Variants in DUSP26 observed in about 807,000 individuals in gnomAD.
DUSP26 encodes dual specificity phosphatase 26.
Under a neutral mutation model 20.0 loss-of-function variants are expected in DUSP26, and 12 were observed. The ratio of observed to expected loss-of-function variants is 0.60; its 90% CI spans 0.38 to 0.97. DUSP26 has a LOEUF of 0.97. Ranked by LOEUF, DUSP26 falls within the 50% of genes least tolerant of loss-of-function variation. The probability of loss-of-function intolerance (pLI) is 0.00; values close to 1 mark genes in which losing one functional copy is unlikely to be tolerated. For synonymous variants in DUSP26, 120 were observed against 118.8 expected (o/e 1.01, Z -0.06); for missense variants, 230 against 294.0 (o/e 0.78, Z 1.59).
At chr8:33,597,908 C>CAT (rs1329093053) in intron 1 of DUSP26, 1 of 189,512 alleles carries the variant, frequency 5.3e-6, no homozygotes, top group African/African-American at 2.4e-5. Context: ...CACACACACA[C>CAT]ACGGCACTTG....
chr8:33,596,554 C>G (rs566688575), intron 2 of DUSP26, among the ~76,000 whole-genome samples: 10 of 152,174 alleles, frequency 6.6e-5, no homozygotes, highest in African/African-American at 9.7e-5. Flanking sequence ...TGCACTCCAG[C>G]CTGGGTGACA....
chr8:33,597,729 T>C, intron 1 of DUSP26, 138 bp from the exon 2 acceptor site: 1 of 493,958 alleles, frequency 2.0e-6, no homozygotes, highest in South Asian at 3.2e-5. Context: ...CAGGGGTGGC[T>C]TTTTCTTCAA....
rs544576159 is a variant in DUSP26 at position 33,595,850 on chromosome 8, G to A, written c.221+1445C>T. ...GCACTGAACTTGAGCCTCCAAGCCC[G>A]GGCTCTGCTACTTACAACCCGTGTG... is the stretch of plus-strand genomic sequence containing the variant. On this transcript the variant is annotated intron_variant, in intron 2 of 3. Coordinates refer to ENST00000256261, the MANE Select transcript of DUSP26 (RefSeq NM_024025.3). Among the ~76,000 whole-genome samples the A allele has an allele frequency of 5.3e-5, 8 of 152,162 alleles. No individual in the cohort carries two copies. The South Asian group carries it at 1.0e-3, about 20-fold the overall frequency.
At chr8:33,596,004 C>A (rs1243749638) in intron 2 of DUSP26, among the ~76,000 whole-genome samples, 1 of 152,158 alleles carries the variant, frequency 6.6e-6, no homozygotes, top group East Asian at 1.9e-4. Flanking sequence ...TCCTTGTAGG[C>A]CAGGCACGGT....
Position 33,593,677 on chromosome 8 carries a change from G to C in DUSP26, c.292C>G (p.Arg98Gly). The C allele has an allele frequency of 1.2e-6, 2 of 1,614,190 alleles. No individual in the cohort carries two copies. Among genetic ancestry groups the C allele is most frequent in the Non-Finnish European group, 1.7e-6 (2 of 1,180,044 alleles). ...TAGGCCTCGGGCGTGCCTCGCCACC[G>C]GCTGTGTGAGGCATTGAGGACGTGC... The part of the protein sequence containing the change: ...ITHVLNASHS[R>G]WRGTPEAYEG... Residue 98 changes from arginine (R) to glycine (G), a missense_variant, in exon 3 of 4, where the codon CGG (arginine) becomes GGG (glycine). Arg to Gly is a moderately radical substitution (Grantham distance 125). Transcript: ENST00000256261.
intron 2 of DUSP26, among the ~76,000 whole-genome samples, chr8:33,594,768 G>C (rs1458316256): frequency 6.7e-6 from 1 of 149,556 alleles, no homozygotes; most frequent in Non-Finnish European, 1.5e-5. Context: ...ATGTCTCCCA[G>C]GCTGAAGTGC....
At chr8:33,593,294 C>A (rs1332066406) in intron 3 of DUSP26, among the ~76,000 whole-genome samples, 2 of 151,898 alleles carry the variant, frequency 1.3e-5, no homozygotes, top group African/African-American at 4.8e-5. Context: ...AAGAAAAAGT[C>A]GATCACATAT....
In DUSP26 at chr8:33,591,780, T is replaced by G; in HGVS notation, c.*233A>C. ...CCAGGACCATCTTCCATCTACAGCC[T>G]AGCTGCCTCCTTCCCTGGTCAACCC... On this transcript the variant is annotated 3_prime_UTR_variant, in exon 4 of 4. Transcript: ENST00000256261. The G allele has an allele frequency of 1.8e-6, 1 of 557,990 alleles. No homozygotes were observed. The highest frequency in any genetic ancestry group is 3.2e-6 in the Non-Finnish European group (1 of 313,636). 34.6% of individuals were successfully genotyped at this position (557,990 alleles called of 1,614,324 possible). A position where few individuals can be genotyped will look rare whatever the true frequency, so the allele number is the denominator to read the frequency against.
chr8:33,593,459 C>G, intron 3 of DUSP26, 74 bp downstream of exon 3: 1 of 1,512,684 alleles, frequency 6.6e-7, no homozygotes, highest in Non-Finnish European at 9.0e-7. Context: ...AAATCTCACT[C>G]CACTCTCAGA....
At chr8:33,593,879 T>C in intron 2 of DUSP26, 132 bp from the exon 3 acceptor site, 1 of 1,026,066 alleles carries the variant, frequency 9.7e-7, no homozygotes, top group Non-Finnish European at 1.4e-6. Flanking sequence ...CTCTGTTTCC[T>C]AGGCCAGAGT....
chr8:33,594,720 A>ATT (rs111883315), intron 2 of DUSP26, among the ~76,000 whole-genome samples: 25 of 142,510 alleles, frequency 1.8e-4, no homozygotes, highest in Middle Eastern at 3.5e-3. Flanking sequence ...AGCAGATTTC[A>ATT]TTTTTTTTTT....
chr8:33,598,744 C>T (rs538342851), intron 1 of DUSP26, among the ~76,000 whole-genome samples: 5 of 152,260 alleles, frequency 3.3e-5, no homozygotes, highest in Non-Finnish European at 5.9e-5. Context: ...GCAACAATGG[C>T]AAGGCCCCTT....
intron 2 of DUSP26, among the ~76,000 whole-genome samples, chr8:33,596,877 TG>T (rs1402751668): frequency 6.6e-6 from 1 of 152,216 alleles, no homozygotes; most frequent in African/African-American, 2.4e-5. Flanking sequence ...AGCACTGGCA[TG>T]TAATAATAAA....
intron 2 of DUSP26, among the ~76,000 whole-genome samples, chr8:33,594,726 T>C (rs1418640666): frequency 6.6e-6 from 1 of 151,868 alleles, no homozygotes; most frequent in Admixed American, 6.6e-5. Context: ...TTTCATTTTT[T>C]TTTTTTTTGG....
At chr8:33,596,672 G>T (rs549050478) in intron 2 of DUSP26, among the ~76,000 whole-genome samples, 26 of 152,272 alleles carry the variant, frequency 1.7e-4, no homozygotes, top group African/African-American at 6.0e-4. Context: ...AGTGGGGATG[G>T]CTCTTCCTTT....
At chr8:33,594,190 G>A (rs1242294506) in intron 2 of DUSP26, among the ~76,000 whole-genome samples, 1 of 152,078 alleles carries the variant, frequency 6.6e-6, no homozygotes, top group Non-Finnish European at 1.5e-5. Flanking sequence ...GAACCAAGAT[G>A]GGCAATGACT....
intron 2 of DUSP26, among the ~76,000 whole-genome samples, chr8:33,596,349 A>C (rs1345002050): frequency 6.6e-6 from 1 of 152,056 alleles, no homozygotes; most frequent in East Asian, 1.9e-4. Flanking sequence ...AGGCCGAGAC[A>C]GGTGGACTGC....
At chr8:33,598,180 G>A (rs139998806) in intron 1 of DUSP26, among the ~76,000 whole-genome samples, 8 of 152,234 alleles carry the variant, frequency 5.3e-5, no homozygotes, top group South Asian at 4.1e-4. Context: ...GGTGTGGTGG[G>A]GGTGGGATGG....
At chr8:33,595,798 C>T (rs1421778813) in intron 2 of DUSP26, among the ~76,000 whole-genome samples, 1 of 152,082 alleles carries the variant, frequency 6.6e-6, no homozygotes, top group Non-Finnish European at 1.5e-5. Context: ...GTTGCCCTGT[C>T]CAGTGCAAAC....
Sources: gnomAD v4.1 joint callset for allele counts (sites outside exome capture counted in the v4.1 genomes callset) on GRCh38, gnomAD v4.1.1 for gene constraint, MANE v1.5 for transcripts, NCBI Gene and HGNC (gene_info 2026-07-23, HGNC 2026-07-21) for gene names.